Variants in RARB observed in about 807,000 individuals in gnomAD.
The protein encoded by RARB is retinoic acid receptor beta.
RARB carries 17 observed loss-of-function variants against 51.9 expected under a neutral mutation model. That is an observed-to-expected ratio of 0.33 (90% CI 0.22 to 0.49). The LOEUF (loss-of-function observed/expected upper bound fraction) is 0.49. Ranked by LOEUF, RARB falls within the 20% of genes least tolerant of loss-of-function variation. RARB has a pLI of 0.99. For missense variants in RARB, 369 were observed against 550.8 expected, an observed-to-expected ratio of 0.67 and a Z score of 3.30; for synonymous variants, 215 against 195.4, an observed-to-expected ratio of 1.10 and a Z score of -0.84.
At chr3:24,899,601 C>T (rs1478556741) in intron 2 of RARB, among the ~76,000 whole-genome samples, 1 of 152,004 alleles carries the variant, frequency 6.6e-6, no homozygotes, top group African/African-American at 2.4e-5. Context: ...ACAGCTGTGG[C>T]CAAGGATAAA....
chr3:25,098,526 T>C (rs1016330067), intron 3 of RARB, among the ~76,000 whole-genome samples: 2 of 152,226 alleles, frequency 1.3e-5, no homozygotes, highest in Non-Finnish European at 2.9e-5. Flanking sequence ...TTCTTCATTG[T>C]AAAGGATTGC....
intron 5 of RARB, among the ~76,000 whole-genome samples, chr3:25,582,034 G>A (rs1477600054): frequency 6.6e-6 from 1 of 152,080 alleles, no homozygotes; most frequent in East Asian, 1.9e-4. Flanking sequence ...AGTGGTACTG[G>A]GCTACCTCCA....
chr3:25,218,906 C>G (rs1178863368), intron 5 of RARB, among the ~76,000 whole-genome samples: 1 of 152,196 alleles, frequency 6.6e-6, no homozygotes, highest in Non-Finnish European at 1.5e-5. Flanking sequence ...TTCCATTTAT[C>G]TCAGAGCAGT....
At chr3:25,322,251 T>C (rs1349734109) in intron 5 of RARB, among the ~76,000 whole-genome samples, 1 of 152,118 alleles carries the variant, frequency 6.6e-6, no homozygotes, top group African/African-American at 2.4e-5. Flanking sequence ...CCTCATTCCT[T>C]CCACCAAAAT....
intron 3 of RARB, among the ~76,000 whole-genome samples, chr3:25,092,974 T>C (rs1002950855): frequency 3.3e-5 from 5 of 152,194 alleles, no homozygotes; most frequent in African/African-American, 1.2e-4. Context: ...ATTTAAATTA[T>C]GATATTCCAA....
chr3:25,246,781 A>C (rs1702571745), intron 5 of RARB, among the ~76,000 whole-genome samples: 1 of 152,130 alleles, frequency 6.6e-6, no homozygotes, highest in African/African-American at 2.4e-5. Flanking sequence ...GTGTCTCCCC[A>C]TCAGGAGGCA....
chr3:25,514,508 T>TA (rs113460115), intron 3 of RARB, among the ~76,000 whole-genome samples: 1,932 of 146,658 alleles, frequency 0.013, 25 homozygotes, highest in East Asian at 0.063. Context: ...CCTCCATGAT[T>TA]AAAAAAAAAA....
intron 5 of RARB, among the ~76,000 whole-genome samples, chr3:25,380,415 T>G (rs1158672974): frequency 1.3e-5 from 2 of 152,184 alleles, no homozygotes; most frequent in Non-Finnish European, 2.9e-5. Flanking sequence ...GCAAACAGCC[T>G]TAACTCAGGT....
intron 4 of RARB, among the ~76,000 whole-genome samples, chr3:25,571,344 G>C (rs987797396): frequency 6.6e-6 from 1 of 152,246 alleles, no homozygotes; most frequent in African/African-American, 2.4e-5. Context: ...CTAACAAGCT[G>C]CCAGGCTGCT....
intron 5 of RARB, among the ~76,000 whole-genome samples, chr3:25,227,222 A>C (rs561679666): frequency 6.6e-6 from 1 of 152,206 alleles, no homozygotes; most frequent in East Asian, 1.9e-4. Flanking sequence ...TAAATTAATA[A>C]AAGTCTGAAT....
chr3:25,589,379 A>T (rs1292384324), intron 5 of RARB, among the ~76,000 whole-genome samples: 1 of 152,242 alleles, frequency 6.6e-6, no homozygotes, highest in Non-Finnish European at 1.5e-5. Context: ...GGCCACAGAA[A>T]GAAGTTTGGA....
At chr3:25,252,058 C>T (rs770019121) in intron 5 of RARB, among the ~76,000 whole-genome samples, 5 of 152,030 alleles carry the variant, frequency 3.3e-5, no homozygotes, top group Non-Finnish European at 7.4e-5. Flanking sequence ...GGGGTCTAAT[C>T]TTACTCTTTT....
chr3:25,050,350 A>G (rs1575136467), intron 2 of RARB, among the ~76,000 whole-genome samples: 1 of 152,190 alleles, frequency 6.6e-6, no homozygotes, highest in East Asian at 1.9e-4. Flanking sequence ...TGAAATGGTC[A>G]GTATTTTACC....
rs192208942 is a variant in RARB at position 25,125,336 on chromosome 3, A to G, written c.-327-6825A>G. ...TATTATTTGCCTGGGAGGGTACTCC[A>G]CTAAGCAGCTGGTATTTATTGGAGA... On this transcript the variant is annotated intron_variant, in intron 3 of 11. Coordinates refer to the RARB transcript ENST00000383772. Among the ~76,000 whole-genome samples the G allele has an allele frequency of 9.8e-5, 15 of 152,330 alleles. 1 individual carries two copies. In the East Asian group the frequency reaches 2.1e-3, roughly 22 times the overall value.
chr3:25,485,000 A>G (rs1327028327), intron 2 of RARB, among the ~76,000 whole-genome samples: 2 of 152,218 alleles, frequency 1.3e-5, no homozygotes, highest in Non-Finnish European at 2.9e-5. Context: ...AAGTGATATT[A>G]TATTACTAAT....
intron 5 of RARB, among the ~76,000 whole-genome samples, chr3:25,300,983 C>G (rs141647949): frequency 6.6e-6 from 1 of 152,100 alleles, no homozygotes; most frequent in Non-Finnish European, 1.5e-5. Context: ...AGCTACAAAG[C>G]GAGACTCTGT....
At chr3:25,155,100 T>G (rs973963506) in intron 4 of RARB, among the ~76,000 whole-genome samples, 2 of 152,236 alleles carry the variant, frequency 1.3e-5, no homozygotes, top group African/African-American at 4.8e-5. Context: ...TTATCACTAT[T>G]CTCTTTCCGT....
At chr3:25,171,642 G>GGAAAAAAAAAA (rs1559491263) in intron 4 of RARB, among the ~76,000 whole-genome samples, 1 of 2,378 alleles carries the variant, frequency 4.2e-4, no homozygotes, top group African/African-American at 1.3e-3. Flanking sequence ...TCCCTGGTTG[G>GGAAAAAAAAAA]TAAAAAAAAA....
At chr3:24,845,770 T>A (rs952054629) in intron 1 of RARB, among the ~76,000 whole-genome samples, 2 of 151,690 alleles carry the variant, frequency 1.3e-5, no homozygotes, top group African/African-American at 4.8e-5. Flanking sequence ...TCCACCCACC[T>A]GAAGAACAAG....
Sources: allele counts gnomAD v4.1 joint callset (sites outside exome capture counted in the v4.1 genomes callset), GRCh38; gene constraint gnomAD v4.1.1; transcripts MANE v1.5; gene names NCBI Gene and HGNC (gene_info 2026-07-23, HGNC 2026-07-21).